The following PLEKHG1 variants were observed in gnomAD, a reference collection of about 807,000 sequenced individuals.
PLEKHG1 encodes pleckstrin homology and RhoGEF domain containing G1.
Under a neutral mutation model 100.8 loss-of-function variants are expected in PLEKHG1, and 44 were observed. That is an observed-to-expected ratio of 0.44 (90% confidence interval 0.34 to 0.56). The LOEUF (loss-of-function observed/expected upper bound fraction) is 0.56. PLEKHG1 is among the 20% of genes least tolerant of loss of function. The probability of loss-of-function intolerance (pLI) is 0.01; values close to 1 mark genes in which losing one functional copy is unlikely to be tolerated. For synonymous variants in PLEKHG1, 640 were observed against 662.5 expected (o/e 0.97, Z 0.52); for missense variants, 1,545 against 1,720.9 (o/e 0.90, Z 1.81).
At chr6:150,723,961 G>A (rs1781829325) in intron 1 of PLEKHG1, among the ~76,000 whole-genome samples, 1 of 152,190 alleles carries the variant, frequency 6.6e-6, no homozygotes, top group South Asian at 2.1e-4. Context: ...CACAGCAGGG[G>A]CTGTAACAGC....
intron 3 of PLEKHG1, among the ~76,000 whole-genome samples, chr6:150,773,248 T>A (rs1390041928): frequency 6.6e-6 from 1 of 152,170 alleles, no homozygotes; most frequent in African/African-American, 2.4e-5. Flanking sequence ...AAAGTACTTC[T>A]CTCGGCTGGG....
At chr6:150,797,007 T>C (rs1786374336) in intron 5 of PLEKHG1, among the ~76,000 whole-genome samples, 1 of 152,156 alleles carries the variant, frequency 6.6e-6, no homozygotes, top group African/African-American at 2.4e-5. Flanking sequence ...TTTTGTTTTT[T>C]TGAGACAGAG....
chr6:150,732,181 T>G (rs1562469899), intron 1 of PLEKHG1, among the ~76,000 whole-genome samples: 1 of 151,248 alleles, frequency 6.6e-6, no homozygotes, highest in Non-Finnish European at 1.5e-5. Flanking sequence ...AGTGACCTTT[T>G]GACTTTGCAG....
chr6:150,656,951 C>A (rs969750370), intron 3 of PLEKHG1, among the ~76,000 whole-genome samples: 1 of 152,106 alleles, frequency 6.6e-6, no homozygotes, highest in South Asian at 2.1e-4. Context: ...GAGTCTGTGG[C>A]CTTTTGCTAT....
chr6:150,675,343 C>G (rs148236527), intron 3 of PLEKHG1, among the ~76,000 whole-genome samples: 60 of 152,328 alleles, frequency 3.9e-4, no homozygotes, highest in Admixed American at 2.2e-3. Context: ...CCAGGACTCA[C>G]ACCCAGATCT....
chr6:150,697,385 G>T (rs897787943), intron 3 of PLEKHG1, among the ~76,000 whole-genome samples: 1 of 152,156 alleles, frequency 6.6e-6, no homozygotes, highest in Non-Finnish European at 1.5e-5. Context: ...AGCTCTTGAA[G>T]CTTCCTTGGA....
At chr6:150,769,938 A>G (rs1382650838) in intron 3 of PLEKHG1, among the ~76,000 whole-genome samples, 1 of 152,116 alleles carries the variant, frequency 6.6e-6, no homozygotes. Flanking sequence ...CATTTGCTCC[A>G]CAAGGACAGG....
chr6:150,809,403 A>T, exon 9 of PLEKHG1: 1 of 1,613,782 alleles, frequency 6.2e-7, no homozygotes. Flanking sequence ...ATGCTTGTGG[A>T]GGTGATTCCA....
At chr6:150,611,270 A>G (rs1339715050) in intron 1 of PLEKHG1, among the ~76,000 whole-genome samples, 1 of 152,258 alleles carries the variant, frequency 6.6e-6, no homozygotes, top group Non-Finnish European at 1.5e-5. Flanking sequence ...CTTAGAAATG[A>G]AAAAACAAGT....
At chr6:150,787,340 C>T (rs531966679) in intron 4 of PLEKHG1, among the ~76,000 whole-genome samples, 54 of 152,262 alleles carry the variant, frequency 3.5e-4, no homozygotes, top group Non-Finnish European at 6.6e-4. Flanking sequence ...GCTCGTGCTC[C>T]GAAGTGGAAT....
At chr6:150,804,239 T>A (rs1373276711) in intron 6 of PLEKHG1, among the ~76,000 whole-genome samples, 1 of 129,654 alleles carries the variant, frequency 7.7e-6, no homozygotes, top group African/African-American at 2.9e-5. Context: ...CAGGCTGGAG[T>A]GCAGTGGCCT....
intron 10 of PLEKHG1, among the ~76,000 whole-genome samples, chr6:150,811,068 T>C (rs1787497160): frequency 6.6e-6 from 1 of 152,136 alleles, no homozygotes; most frequent in Non-Finnish European, 1.5e-5. Flanking sequence ...CTGGGTCCCA[T>C]GAGGGTGCTC....
At chr6:150,747,810 C>T (rs1583048773) in intron 2 of PLEKHG1, among the ~76,000 whole-genome samples, 2 of 151,944 alleles carry the variant, frequency 1.3e-5, no homozygotes, top group South Asian at 2.1e-4. Context: ...GCAGGAGAAT[C>T]GCTTGAACTC....
At chr6:150,689,928 T>C (rs1259393080) in intron 3 of PLEKHG1, among the ~76,000 whole-genome samples, 1 of 152,096 alleles carries the variant, frequency 6.6e-6, no homozygotes, top group Admixed American at 6.6e-5. Context: ...CTTTATTCTC[T>C]GGAATAATAT....
chr6:150,839,939 C>G (rs1026382965), exon 16 of PLEKHG1: 1 of 1,613,932 alleles, frequency 6.2e-7, no homozygotes, highest in Non-Finnish European at 8.5e-7. Flanking sequence ...AATCCTCCCT[C>G]CTGAGGTCTG....
intron 1 of PLEKHG1, among the ~76,000 whole-genome samples, chr6:150,730,684 C>T (rs185229062): frequency 3.9e-5 from 6 of 152,222 alleles, no homozygotes; most frequent in East Asian, 3.9e-4. Context: ...GGGTGGATCA[C>T]CTGCGGTCAG....
intron 3 of PLEKHG1, among the ~76,000 whole-genome samples, chr6:150,715,880 G>A (rs1363535756): frequency 2.0e-4 from 30 of 147,782 alleles, no homozygotes; most frequent in Admixed American, 4.0e-4. Flanking sequence ...AGGCAGAGGC[G>A]GGCGGATCAC....
intron 1 of PLEKHG1, among the ~76,000 whole-genome samples, chr6:150,730,912 AAAG>A (rs1339592909): frequency 2.0e-5 from 3 of 151,982 alleles, no homozygotes; most frequent in Admixed American, 6.5e-5. Context: ...AAAAAAAAAA[AAAG>A]AACATATTCA....
chr6:150,757,556 C>T (rs1375123206), intron 2 of PLEKHG1, among the ~76,000 whole-genome samples: 1 of 146,062 alleles, frequency 6.8e-6, no homozygotes, highest in Non-Finnish European at 1.5e-5. Context: ...GTGGTGCACA[C>T]AAGTATGTGT....
Sources: allele counts gnomAD v4.1 joint callset (sites outside exome capture counted in the v4.1 genomes callset), GRCh38; gene constraint gnomAD v4.1.1; transcripts MANE v1.5; gene names NCBI Gene and HGNC (gene_info 2026-07-23, HGNC 2026-07-21).